NCF4: variants seen among roughly 807,000 people sequenced by gnomAD.
NCF4 encodes the protein neutrophil cytosol factor 4.
Under a neutral mutation model 41.7 loss-of-function variants are expected in NCF4, and 30 were observed. The observed-to-expected ratio is 0.72, with a 90% CI of 0.54 to 0.97. NCF4 has a LOEUF of 0.97. NCF4 is among the 50% of genes least tolerant of loss of function. The pLI is 0.00. For synonymous variants in NCF4, 195 were observed against 175.8 expected (o/e 1.11, Z -0.87); for missense variants, 432 against 460.9 (o/e 0.94, Z 0.57).
intron 4 of NCF4, among the ~76,000 whole-genome samples, chr22:36,869,278 T>C (rs892101430): frequency 3.9e-5 from 6 of 152,128 alleles, no homozygotes; most frequent in Admixed American, 3.9e-4. Flanking sequence ...ATATGCCTGG[T>C]GTTGTTCTAA....
In NCF4 at chr22:36,865,009, G is replaced by A; in HGVS notation, c.208G>A (p.Glu70Lys). The A allele has an allele frequency of 6.2e-7, 1 of 1,613,966 alleles. No individual in the cohort carries two copies. The highest frequency in any genetic ancestry group is 8.5e-7 in the Non-Finnish European group (1 of 1,180,026). Residue 70 changes from glutamate (E) to lysine (K), a missense_variant, in exon 3 of 10, where the codon GAG (glutamate) becomes AAG (lysine). Physicochemically the swap from Glu to Lys is moderately conservative, Grantham distance 56. Transcript: ENST00000248899. This position sits in a 1 kb window ranked among gnomAD's most constrained non-coding sequence, Gnocchi z 4.3. ...RQFHALQSKL[E>K]ERFGPDSKSS... is the part of the protein sequence containing the mutation. The stretch of plus-strand genomic sequence containing the variant: ...GTTCCATGCTTTGCAGAGCAAGCTG[G>A]AGGAGCGCTTCGGGCCAGACAGCAA...
intron 5 of NCF4, 92 bp from the exon 6 acceptor site, chr22:36,871,560 G>C: frequency 7.1e-7 from 1 of 1,403,694 alleles, no homozygotes; most frequent in Non-Finnish European, 9.9e-7. Context: ...TGCCTTCCCT[G>C]CTCCTTGCAA....
At chr22:36,864,174 C>A in intron 2 of NCF4, 45 bp downstream of exon 2, 1 of 1,503,664 alleles carries the variant, frequency 6.7e-7, no homozygotes, top group Non-Finnish European at 9.3e-7. Flanking sequence ...TCTGAACTTC[C>A]ACCCAGCTGA....
At chr22:36,863,786 C>T (rs1296897239) in intron 1 of NCF4, among the ~76,000 whole-genome samples, 3 of 151,614 alleles carry the variant, frequency 2.0e-5, no homozygotes, top group Non-Finnish European at 1.5e-5. Context: ...CCCATTCCTA[C>T]ACTCAATATG....
At position 36,875,761 on chromosome 22, in the gene NCF4, G is replaced by A. The variant is rs560705177; in HGVS notation, c.736G>A (p.Glu246Lys). ...CAACTGGCTGCGTTGCTACTACTAC[G>A]AAGACACCATCAGCACCATCAAGTC... ...PTNWLRCYYY[E>K]DTISTIKDIA... The change falls in exon 8 of 10, where the codon GAA (glutamate) becomes AAA (lysine). Residue 246 changes from glutamate (E) to lysine (K), a missense_variant. Glu to Lys is a moderately conservative substitution (Grantham distance 56). Coordinates refer to ENST00000248899, the MANE Select transcript of NCF4 (RefSeq NM_000631.5). 9.3e-6 allele frequency: 15 copies of A among 1,614,128 alleles called. No homozygotes were observed. Among genetic ancestry groups the A allele is most frequent in the South Asian group, 3.3e-5 (3 of 91,084 alleles).
In NCF4 at chr22:36,870,350, C is replaced by G. The variant is rs946059662; in HGVS notation, c.343-65C>G. ...ATGTCAGGGCTCGGGGACGGGACAT[C>G]TAGGCTGGGGTGTCCAGATCTTTCT... On this transcript the variant is annotated intron_variant, in intron 4 of 9. Coordinates refer to ENST00000248899, the MANE Select transcript of NCF4 (RefSeq NM_000631.5). The G allele has an allele frequency of 4.3e-6, 7 of 1,610,110 alleles. No homozygotes were observed. In the East Asian group the frequency reaches 8.9e-5, roughly 21 times the overall value.
Position 36,871,709 on chromosome 22 carries a change from G to C in NCF4, c.528G>C (p.Glu176Asp). Residue 176 changes from glutamate to aspartate, a missense_variant and splice_region_variant, in exon 6 of 10, where the codon GAG (glutamate) becomes GAC (aspartate). Physicochemically the swap from Glu to Asp is conservative, Grantham distance 45 (BLOSUM62 2). Transcript: ENST00000248899. ...ACCGCATGGCAGCTCCGAGAGCAGA[G>C]GTAACCCCCGCCCCCACGCTGGCCA... Reference protein sequence around the residue: ...SVDRMAAPRAEALFDFTGNSK... With the variant: ...SVDRMAAPRADALFDFTGNSK... The C allele has an allele frequency of 6.4e-7, 1 of 1,562,030 alleles. No individual in the cohort carries two copies. Among genetic ancestry groups the C allele is most frequent in the Middle Eastern group, 1.7e-4 (1 of 5,990 alleles).
At chr22:36,862,345 C>A (rs1425999764) in intron 1 of NCF4, among the ~76,000 whole-genome samples, 1 of 152,182 alleles carries the variant, frequency 6.6e-6, no homozygotes, top group African/African-American at 2.4e-5. Flanking sequence ...ACAGGGGAGT[C>A]CACGTGGCCT....
Position 36,867,577 on chromosome 22 carries a change from A to G in NCF4, c.342+115A>G, listed in dbSNP as rs1462326763. On this transcript the variant is annotated intron_variant, in intron 4 of 9. Transcript: ENST00000248899. ...AACTGGGGCTGGCTCTCTGGCTCTGATGGCCCCATCTTCAATCCCTAAAGG... is the reference window on the plus strand; with the variant it reads ...AACTGGGGCTGGCTCTCTGGCTCTGGTGGCCCCATCTTCAATCCCTAAAGG... 6 of 1,111,666 alleles carry G rather than the reference A, an allele frequency of 5.4e-6. No individual in the cohort carries two copies. In the Admixed American group the frequency reaches 1.2e-4, roughly 22 times the overall value. 68.9% of individuals were successfully genotyped at this position (1,111,666 alleles called of 1,614,324 possible). A position where few individuals can be genotyped will look rare whatever the true frequency, so the allele number is the denominator to read the frequency against.
In NCF4 at chr22:36,875,672, C is replaced by T. The variant is rs146911421; in HGVS notation, c.647C>T (p.Thr216Met). 1,151 of 1,612,378 alleles carry T rather than the reference C, an allele frequency of 7.1e-4. 2 individuals are homozygous for T. Among genetic ancestry groups the T allele is most frequent in the Non-Finnish European group, 8.4e-4 (993 of 1,180,020 alleles). Residue 216 changes from threonine (T) to methionine (M), a missense_variant, in exon 8 of 10, where the codon ACG becomes ATG. Coordinates refer to ENST00000248899, the MANE Select transcript of NCF4 (RefSeq NM_000631.5). ...DWLEGTVRGA[T>M]GIFPLSFVKI... ...CTGCAGGGCACTGTCCGGGGAGCCACGGGCATCTTCCCTCTCTCCTTCGTG... is the reference window on the plus strand; with the variant it reads ...CTGCAGGGCACTGTCCGGGGAGCCATGGGCATCTTCCCTCTCTCCTTCGTG...
At chr22:36,864,007 G>T in intron 1 of NCF4, 38 bp from the exon 2 acceptor site, 1 of 1,586,728 alleles carries the variant, frequency 6.3e-7, no homozygotes, top group Non-Finnish European at 8.7e-7. Context: ...AACACATCAG[G>T]GTGATAAGCA....
intron 5 of NCF4, among the ~76,000 whole-genome samples, chr22:36,871,150 C>T (rs1940045841): frequency 6.6e-6 from 1 of 152,210 alleles, no homozygotes; most frequent in African/African-American, 2.4e-5. Flanking sequence ...TTCCTCCCAC[C>T]AATGTCTCCA....
At position 36,877,854 on chromosome 22, in the gene NCF4, C is replaced by T. The variant is rs1163790642; in HGVS notation, c.*31C>T. On this transcript the variant is annotated 3_prime_UTR_variant, in exon 10 of 10. Transcript: ENST00000248899. ...CGGTGTCCCTGGAGCAGTGAGGGGA[C>T]ACCAGCAAAAACCTTCAGCTCTCAG... The T allele has an allele frequency of 1.3e-6, 2 of 1,591,454 alleles. No homozygotes were observed. The highest frequency in any genetic ancestry group is 4.6e-5 in the East Asian group (2 of 43,810).
rs539979592 is a variant in NCF4, at chr22:36,861,011, G to A, written c.-161G>A. On this transcript the variant is annotated 5_prime_UTR_variant, in exon 1 of 10. Transcript: ENST00000248899. ...CTGGAGGAGGAGCCTCTGCCAGACT[G>A]GAGAGAAGCAGGCCTGAGCCTCCCC... 9.9e-6 allele frequency: 9 copies of A among 913,090 alleles called. No individual in the cohort carries two copies. The East Asian group carries it at 1.3e-4, about 13-fold the overall frequency. The allele number at this position is 913,090 out of a possible 1,614,324, so 56.6% of individuals were successfully genotyped here.
At chr22:36,861,260 G>A (rs535632871) in intron 1 of NCF4, 57 bp downstream of exon 1, 4 of 1,537,804 alleles carry the variant, frequency 2.6e-6, no homozygotes, top group East Asian at 2.4e-5. Flanking sequence ...ATAGGCCTTA[G>A]GGACAAAGGC....
rs1486869326 is a variant in NCF4, at chr22:36,871,716, C to G, written c.528+7C>G. 6.4e-7 allele frequency: 1 copy of G among 1,557,838 alleles called. No individual in the cohort carries two copies. Among genetic ancestry groups the G allele is most frequent in the Non-Finnish European group, 8.7e-7 (1 of 1,150,196 alleles). On this transcript the variant is annotated splice_region_variant and intron_variant, in intron 6 of 9. Transcript: ENST00000248899. Reference sequence around the variant, plus strand: ...GGCAGCTCCGAGAGCAGAGGTAACCCCCGCCCCCACGCTGGCCAGGCTCTC... The same window carrying G: ...GGCAGCTCCGAGAGCAGAGGTAACCGCCGCCCCCACGCTGGCCAGGCTCTC...
chr22:36,862,371 C>T (rs145418415), intron 1 of NCF4, among the ~76,000 whole-genome samples: 321 of 152,296 alleles, frequency 2.1e-3, no homozygotes, highest in Non-Finnish European at 3.8e-3. Flanking sequence ...AGCCTCAGAG[C>T]GGGGTGCAGG....
chr22:36,864,796 A>T (rs1939883099), intron 2 of NCF4, 123 bp from the exon 3 acceptor site: 1 of 1,209,246 alleles, frequency 8.3e-7, no homozygotes. Flanking sequence ...CCTTCTCCAG[A>T]GACCCTTCTG....
At chr22:36,875,245 G>A (rs1252781307) in intron 7 of NCF4, among the ~76,000 whole-genome samples, 1 of 151,998 alleles carries the variant, frequency 6.6e-6, no homozygotes, top group Non-Finnish European at 1.5e-5. Flanking sequence ...GGCCAGGCTG[G>A]TCTCGAACTA....
Sources: allele counts gnomAD v4.1 joint callset (sites outside exome capture counted in the v4.1 genomes callset), GRCh38; gene constraint gnomAD v4.1.1; non-coding constraint Gnocchi (gnomAD v3.1); transcripts MANE v1.5; gene names NCBI Gene and HGNC (gene_info 2026-07-23, HGNC 2026-07-21).